The following RALYL variants were observed in gnomAD, a reference collection of about 807,000 sequenced individuals.
The protein encoded by RALYL is RALY RNA binding protein like.
In RALYL, 29 loss-of-function variants were observed where a neutral mutation model predicts 35.1. The ratio of observed to expected loss-of-function variants is 0.83; its 90% CI spans 0.61 to 1.13. The LOEUF (loss-of-function observed/expected upper bound fraction) is 1.13. RALYL is among the 50% of genes most tolerant of loss of function. RALYL has a pLI of 0.00. For synonymous variants in RALYL, 120 were observed against 127.6 expected, an observed-to-expected ratio of 0.94 and a Z score of 0.40; for missense variants, 359 against 360.4, an observed-to-expected ratio of 1.00 and a Z score of 0.03.
intron 2 of RALYL, among the ~76,000 whole-genome samples, chr8:84,633,465 A>AT (rs1274657859): frequency 6.6e-6 from 1 of 151,950 alleles, no homozygotes; most frequent in African/African-American, 2.4e-5. Context: ...TTGATAGTGA[A>AT]TTGAAATACA....
At chr8:84,327,423 C>T (rs534399686) in intron 1 of RALYL, among the ~76,000 whole-genome samples, 4 of 152,084 alleles carry the variant, frequency 2.6e-5, no homozygotes, top group Admixed American at 1.3e-4. Flanking sequence ...TCTATAGAGG[C>T]AGCTTGTGGT....
At chr8:84,743,112 G>A (rs1027259628) in intron 2 of RALYL, among the ~76,000 whole-genome samples, 4 of 151,924 alleles carry the variant, frequency 2.6e-5, no homozygotes, top group South Asian at 4.2e-4. Flanking sequence ...TTTTTGCAGC[G>A]CTTCTGATAG....
In RALYL at chr8:84,342,295, T is replaced by TATATATATAA. The variant is rs1053647755; in HGVS notation, c.-24+157872_-24+157873insTATATATAAA. On this transcript the variant is annotated intron_variant, in intron 1 of 8. Coordinates refer to ENST00000521268, the MANE Select transcript of RALYL (RefSeq NM_173848.7). ...ATCGTTCAATATATATATATATATA[T>TATATATATAA]AAAACTCAAAAAGTGTGGTCCTCCC... 1.7e-5 allele frequency among the ~76,000 whole-genome samples: 2 copies of TATATATATAA among 119,732 alleles called. 1 individual carries two copies. The highest frequency in any genetic ancestry group is 7.5e-5 in the African/African-American group (2 of 26,686). 78.5% of individuals were successfully genotyped at this position (119,732 alleles called of 152,430 possible).
At chr8:84,754,499 A>G (rs1165869705) in intron 2 of RALYL, among the ~76,000 whole-genome samples, 8 of 152,178 alleles carry the variant, frequency 5.3e-5, no homozygotes, top group African/African-American at 4.8e-5. Context: ...GTAGCATCAG[A>G]TAAGCTGCAA....
In RALYL at chr8:84,921,152, T is replaced by C. The variant is rs895043479; in HGVS notation, c.*241T>C. On this transcript the variant is annotated 3_prime_UTR_variant, in exon 9 of 9. Transcript: ENST00000521268. Reference sequence around the variant, plus strand: ...AATGTGTTTTCCCCTTTGCTAATTATGTTTTTTTTTTCAGTCTTAAAATGT... The same window carrying C: ...AATGTGTTTTCCCCTTTGCTAATTACGTTTTTTTTTTCAGTCTTAAAATGT... 3 of 337,702 alleles carry C rather than the reference T, an allele frequency of 8.9e-6. No individual in the cohort carries two copies. Among genetic ancestry groups the C allele is most frequent in the Non-Finnish European group, 1.6e-5 (3 of 188,372 alleles). 20.9% of individuals were successfully genotyped at this position (337,702 alleles called of 1,614,324 possible). A position where few individuals can be genotyped will look rare whatever the true frequency, so the allele number is the denominator to read the frequency against.
intron 3 of RALYL, among the ~76,000 whole-genome samples, chr8:84,776,355 A>C (rs1212961171): frequency 6.6e-6 from 1 of 152,216 alleles, no homozygotes; most frequent in East Asian, 1.9e-4. Flanking sequence ...AAAATACATC[A>C]TAATTTCTCT....
chr8:84,775,313 A>T (rs182520664), intron 3 of RALYL, among the ~76,000 whole-genome samples: 1 of 152,260 alleles, frequency 6.6e-6, no homozygotes, highest in East Asian at 1.9e-4. Context: ...ATGTTGTTTA[A>T]TTTAATTTTC....
At chr8:84,330,416 G>A (rs1473061733) in intron 1 of RALYL, among the ~76,000 whole-genome samples, 1 of 151,914 alleles carries the variant, frequency 6.6e-6, no homozygotes, top group African/African-American at 2.4e-5. Flanking sequence ...AGGGCATAAA[G>A]ATTCATGCAT....
chr8:84,404,615 A>T (rs1240097652), intron 1 of RALYL, among the ~76,000 whole-genome samples: 1 of 152,086 alleles, frequency 6.6e-6, no homozygotes, highest in Non-Finnish European at 1.5e-5. Context: ...TTCATCAGGG[A>T]TGTTGGCCTG....
At chr8:84,217,943 A>G (rs987001583) in intron 1 of RALYL, among the ~76,000 whole-genome samples, 15 of 152,144 alleles carry the variant, frequency 9.9e-5, no homozygotes, top group Non-Finnish European at 2.1e-4. Flanking sequence ...GCTCATTAAC[A>G]TATCCTCTAC....
intron 1 of RALYL, among the ~76,000 whole-genome samples, chr8:84,287,710 T>C (rs767443497): frequency 3.9e-5 from 6 of 152,094 alleles, no homozygotes; most frequent in Non-Finnish European, 8.8e-5. Flanking sequence ...ATGATAGAAA[T>C]ATTCAAAGAG....
At chr8:84,786,201 AC>A (rs1819415002) in intron 3 of RALYL, among the ~76,000 whole-genome samples, 1 of 152,156 alleles carries the variant, frequency 6.6e-6, no homozygotes, top group Admixed American at 6.5e-5. Context: ...GTATACGTAT[AC>A]CACATTTCTT....
chr8:84,275,540 T>C (rs1217554213), intron 1 of RALYL, among the ~76,000 whole-genome samples: 2 of 152,026 alleles, frequency 1.3e-5, no homozygotes, highest in Non-Finnish European at 2.9e-5. Flanking sequence ...ACCACTTTCA[T>C]GGTGAGAACC....
At chr8:84,244,976 T>C (rs1828760994) in intron 1 of RALYL, among the ~76,000 whole-genome samples, 1 of 152,176 alleles carries the variant, frequency 6.6e-6, no homozygotes, top group Non-Finnish European at 1.5e-5. Context: ...GATTTTCAAG[T>C]TCACGCAATT....
intron 2 of RALYL, among the ~76,000 whole-genome samples, chr8:84,603,562 G>A (rs927304543): frequency 4.6e-5 from 7 of 152,196 alleles, no homozygotes; most frequent in African/African-American, 1.4e-4. Flanking sequence ...CAGTCACACC[G>A]TGAGGCTTAC....
chr8:84,902,647 T>C (rs1266150781), intron 8 of RALYL, among the ~76,000 whole-genome samples: 1 of 152,158 alleles, frequency 6.6e-6, no homozygotes, highest in Non-Finnish European at 1.5e-5. Flanking sequence ...CCTTTTATAA[T>C]GGAGAAAATC....
chr8:84,586,537 T>G (rs998203990), intron 2 of RALYL, among the ~76,000 whole-genome samples: 1 of 152,194 alleles, frequency 6.6e-6, no homozygotes, highest in African/African-American at 2.4e-5. Context: ...CTTCTGTAAT[T>G]TCATCTATTA....
At chr8:84,870,566 A>C (rs62526869) in intron 6 of RALYL, among the ~76,000 whole-genome samples, 1 of 89,218 alleles carries the variant, frequency 1.1e-5, no homozygotes, top group East Asian at 3.5e-4. Context: ...GTCTTCTAAA[A>C]TATCTGTAAT....
intron 1 of RALYL, among the ~76,000 whole-genome samples, chr8:84,217,427 TA>T (rs1391726700): frequency 3.3e-5 from 5 of 152,126 alleles, no homozygotes; most frequent in African/African-American, 1.2e-4. Context: ...TGAACTATAT[TA>T]TTTTTCATTT....
Sources: gnomAD v4.1 joint callset for allele counts (sites outside exome capture counted in the v4.1 genomes callset) on GRCh38, gnomAD v4.1.1 for gene constraint, MANE v1.5 for transcripts, NCBI Gene and HGNC (gene_info 2026-07-23, HGNC 2026-07-21) for gene names.